The following TBC1D5 variants were observed in gnomAD, a reference collection of about 807,000 sequenced individuals.
TBC1D5 encodes TBC1 domain family member 5, also known as TBC1 domain family, member 5.
A neutral mutation model predicts 100.3 loss-of-function variants in TBC1D5; 75 were observed. That is an observed-to-expected ratio of 0.75 (90% CI 0.62 to 0.91). The LOEUF (loss-of-function observed/expected upper bound fraction) is 0.91. Among genes scored for constraint, TBC1D5 ranks in the 40% least tolerant of loss-of-function variants. The pLI is 0.00. For missense variants in TBC1D5, 910 were observed against 942.4 expected (o/e 0.97, Z 0.45); for synonymous variants, 323 against 325.6 (o/e 0.99, Z 0.09).
intron 15 of TBC1D5, among the ~76,000 whole-genome samples, chr3:17,262,022 T>C (rs1287016071): frequency 1.3e-5 from 2 of 152,228 alleles, no homozygotes; most frequent in African/African-American, 2.4e-5. Context: ...GAACATGTTA[T>C]GTCAACACTT....
At chr3:17,264,996 A>AT (rs1465154631) in intron 15 of TBC1D5, among the ~76,000 whole-genome samples, 1 of 152,208 alleles carries the variant, frequency 6.6e-6, no homozygotes, top group Non-Finnish European at 1.5e-5. Flanking sequence ...CAGGCATTAT[A>AT]TTTTTTAAAG....
upstream of TBC1D5, among the ~76,000 whole-genome samples, chr3:17,741,414 C>T (rs1360016753): frequency 6.6e-6 from 1 of 152,216 alleles, no homozygotes; most frequent in African/African-American, 2.4e-5. Context: ...CCACCGATAG[C>T]AAAGGCTCAT....
Position 17,384,017 on chromosome 3 carries a change from T to C in TBC1D5, c.510-2A>G, listed in dbSNP as rs1327735054. The C allele has an allele frequency of 1.9e-6, 3 of 1,594,710 alleles. No homozygotes were observed. The highest frequency in any genetic ancestry group is 2.6e-6 in the Non-Finnish European group (3 of 1,166,888). ...TGGAAAAACTGCATTTCAGGAAACC[T>C]GGAAAAAGAAAATACAAGATTGAAA... is the stretch of plus-strand genomic sequence containing the variant. On this transcript the variant is annotated splice_acceptor_variant, in intron 8 of 21. Transcript: ENST00000253692. LOFTEE classifies it high-confidence loss of function.
intron 1 of TBC1D5, chr3:17,706,207 C>G (rs1032827559): frequency 2.4e-5 from 38 of 1,551,090 alleles, no homozygotes; most frequent in Non-Finnish European, 3.3e-5. Flanking sequence ...GGCATCGCGG[C>G]GAGGCCCAGG....
intron 2 of TBC1D5, among the ~76,000 whole-genome samples, chr3:17,616,545 G>A (rs1417146404): frequency 6.6e-6 from 1 of 151,976 alleles, no homozygotes. Flanking sequence ...AGGTCTTTAA[G>A]GACTTGCTTT....
At chr3:17,611,579 G>C (rs2061671295) in intron 2 of TBC1D5, among the ~76,000 whole-genome samples, 1 of 152,162 alleles carries the variant, frequency 6.6e-6, no homozygotes, top group South Asian at 2.1e-4. Flanking sequence ...AAGAGGAAAA[G>C]CAAGATGAAG....
At chr3:17,696,434 C>T (rs761247441) in intron 1 of TBC1D5, among the ~76,000 whole-genome samples, 13 of 152,154 alleles carry the variant, frequency 8.5e-5, no homozygotes, top group African/African-American at 3.1e-4. Context: ...ACCTATTACA[C>T]AGAAATACAA....
intron 3 of TBC1D5, among the ~76,000 whole-genome samples, chr3:17,456,144 A>G (rs1273883312): frequency 6.6e-6 from 1 of 152,214 alleles, no homozygotes; most frequent in Admixed American, 6.5e-5. Flanking sequence ...TGGAAAAATC[A>G]AATAAAAACA....
intron 16 of TBC1D5, among the ~76,000 whole-genome samples, chr3:17,247,401 C>T (rs2076824062): frequency 6.6e-6 from 1 of 152,076 alleles, no homozygotes; most frequent in Non-Finnish European, 1.5e-5. Flanking sequence ...GCAGTCTATT[C>T]AGTGTGCAAT....
At chr3:17,683,164 G>C (rs2069736435) in intron 1 of TBC1D5, among the ~76,000 whole-genome samples, 2 of 151,616 alleles carry the variant, frequency 1.3e-5, no homozygotes, top group Middle Eastern at 3.4e-3. Context: ...ATGCTTAACT[G>C]TGTATTAAAG....
chr3:17,501,371 A>T (rs1305385637), intron 3 of TBC1D5, among the ~76,000 whole-genome samples: 1 of 149,622 alleles, frequency 6.7e-6, no homozygotes, highest in Non-Finnish European at 1.5e-5. Flanking sequence ...ATGTGATAAA[A>T]GACCATGTTA....
intron 1 of TBC1D5, among the ~76,000 whole-genome samples, chr3:17,657,845 A>G (rs921719325): frequency 4.0e-4 from 61 of 152,326 alleles, no homozygotes; most frequent in African/African-American, 1.4e-3. Context: ...TATTAACAAC[A>G]TATTCAGTAA....
chr3:17,180,933 A>G (rs539093469), intron 19 of TBC1D5, among the ~76,000 whole-genome samples: 1 of 151,844 alleles, frequency 6.6e-6, no homozygotes, highest in African/African-American at 2.4e-5. Flanking sequence ...AAAAAAAAAA[A>G]AGAAAAGAAA....
intron 17 of TBC1D5, among the ~76,000 whole-genome samples, chr3:17,234,283 T>C (rs1053106388): frequency 6.6e-6 from 1 of 152,114 alleles, no homozygotes; most frequent in Non-Finnish European, 1.5e-5. Context: ...TGTCAACATG[T>C]AAAAATAAAC....
chr3:17,403,092 T>C, intron 8 of TBC1D5, 89 bp downstream of exon 8: 2 of 1,131,448 alleles, frequency 1.8e-6, no homozygotes, highest in Non-Finnish European at 1.2e-6. Context: ...TTCAATTAAG[T>C]TGACTGCAGA....
intron 8 of TBC1D5, among the ~76,000 whole-genome samples, chr3:17,392,518 C>T (rs2093382420): frequency 6.6e-6 from 1 of 152,044 alleles, no homozygotes; most frequent in Non-Finnish European, 1.5e-5. Flanking sequence ...CCCCTAAACC[C>T]CCGACCCCGC....
intron 13 of TBC1D5, among the ~76,000 whole-genome samples, chr3:17,349,012 GAA>G (rs2090243096): frequency 6.6e-6 from 1 of 152,076 alleles, no homozygotes; most frequent in African/African-American, 2.4e-5. Flanking sequence ...TTAAAACTGA[GAA>G]AAAGAAATGG....
intron 4 of TBC1D5, among the ~76,000 whole-genome samples, chr3:17,419,442 A>G (rs987644755): frequency 1.7e-4 from 26 of 152,146 alleles, no homozygotes; most frequent in African/African-American, 5.6e-4. Flanking sequence ...AATAAACTCA[A>G]TATCTTTGGA....
chr3:17,241,815 C>A (rs1347514618), intron 16 of TBC1D5, among the ~76,000 whole-genome samples: 2 of 152,128 alleles, frequency 1.3e-5, no homozygotes, highest in African/African-American at 4.8e-5. Context: ...CATCATACTG[C>A]ATGGGCATCT....
Sources: allele counts gnomAD v4.1 joint callset (sites outside exome capture counted in the v4.1 genomes callset), GRCh38; gene constraint gnomAD v4.1.1; transcripts MANE v1.5; gene names NCBI Gene and HGNC (gene_info 2026-07-23, HGNC 2026-07-21).